FYN: variants seen among roughly 807,000 people sequenced by gnomAD.
FYN encodes the protein tyrosine-protein kinase Fyn.
FYN carries 10 observed loss-of-function variants against 70.2 expected under a neutral mutation model. That is an observed-to-expected ratio of 0.14 (90% CI 0.09 to 0.24). The LOEUF is 0.24. FYN is among the 10% of genes least tolerant of loss of function. The pLI is 1.00. For missense variants in FYN, 319 were observed against 673.1 expected (o/e 0.47, Z 5.82); for synonymous variants, 236 against 248.6 (o/e 0.95, Z 0.48).
intron 2 of FYN, among the ~76,000 whole-genome samples, chr6:111,808,578 C>T (rs1350166725): frequency 6.6e-6 from 1 of 152,174 alleles, no homozygotes; most frequent in Admixed American, 6.5e-5. Flanking sequence ...AACTAGAAAC[C>T]AAAGGGAAAG....
chr6:111,681,688 C>T (rs549759324), intron 12 of FYN, among the ~76,000 whole-genome samples: 1 of 152,276 alleles, frequency 6.6e-6, no homozygotes, highest in South Asian at 2.1e-4. Flanking sequence ...ATGCACCTAG[C>T]GCCAGTGCTA....
At chr6:111,765,411 C>T (rs1803192004) in intron 3 of FYN, among the ~76,000 whole-genome samples, 1 of 152,096 alleles carries the variant, frequency 6.6e-6, no homozygotes, top group African/African-American at 2.4e-5. Context: ...CATGTGGGGA[C>T]ACCAGAGACA....
At chr6:111,762,806 A>C (rs1347406036) in intron 3 of FYN, among the ~76,000 whole-genome samples, 2 of 151,998 alleles carry the variant, frequency 1.3e-5, no homozygotes, top group Non-Finnish European at 1.5e-5. Context: ...AAAAAAAAAA[A>C]AGTCCTTGCA....
intron 6 of FYN, among the ~76,000 whole-genome samples, chr6:111,705,613 C>A (rs1326248019): frequency 1.3e-5 from 2 of 152,158 alleles, no homozygotes; most frequent in Admixed American, 1.3e-4. Context: ...CTTTGGGAGG[C>A]TGAGGCAGGC....
intron 3 of FYN, among the ~76,000 whole-genome samples, chr6:111,764,497 C>T (rs1803148879): frequency 6.6e-6 from 1 of 152,102 alleles, no homozygotes; most frequent in South Asian, 2.1e-4. Flanking sequence ...ACCACACTTT[C>T]CAGCATATTA....
chr6:111,699,548 G>C (rs1167696293), intron 9 of FYN: 1 of 1,614,018 alleles, frequency 6.2e-7, no homozygotes, highest in South Asian at 1.1e-5. Flanking sequence ...CCCTGACCCA[G>C]CTTCTTCTCC....
chr6:111,812,820 T>A (rs1421002769), intron 2 of FYN, among the ~76,000 whole-genome samples: 1 of 151,884 alleles, frequency 6.6e-6, no homozygotes, highest in Admixed American at 6.6e-5. Flanking sequence ...TTCCTCAGAG[T>A]AGTGTTTTGA....
intron 3 of FYN, among the ~76,000 whole-genome samples, chr6:111,733,311 T>C (rs1213738517): frequency 1.3e-5 from 2 of 152,166 alleles, no homozygotes; most frequent in African/African-American, 2.4e-5. Context: ...GCCCACAGAA[T>C]TGGAGTAACT....
chr6:111,699,419 T>A, intron 9 of FYN: 4 of 1,334,128 alleles, frequency 3.0e-6, no homozygotes, highest in Non-Finnish European at 4.2e-6. Context: ...AGGTTAAGTG[T>A]CTTTGTCCCA....
intron 2 of FYN, among the ~76,000 whole-genome samples, chr6:111,803,578 T>A (rs1772055912): frequency 6.6e-6 from 1 of 152,112 alleles, no homozygotes; most frequent in Non-Finnish European, 1.5e-5. Context: ...ACTGTTAGTA[T>A]CATGGAAGGA....
chr6:111,813,122 T>C (rs1042540303), intron 2 of FYN, among the ~76,000 whole-genome samples: 1 of 152,226 alleles, frequency 6.6e-6, no homozygotes. Flanking sequence ...ATCATGGACT[T>C]ACTGTCTTGC....
intron 2 of FYN, among the ~76,000 whole-genome samples, chr6:111,803,116 A>G (rs1772040286): frequency 6.6e-6 from 1 of 152,196 alleles, no homozygotes. Flanking sequence ...GCCTCAAAAC[A>G]TCTGCTTCCC....
intron 2 of FYN, among the ~76,000 whole-genome samples, chr6:111,784,800 T>C (rs1771303331): frequency 6.6e-6 from 1 of 152,334 alleles, no homozygotes; most frequent in South Asian, 2.1e-4. Flanking sequence ...AAGAGCCAGC[T>C]GGTCTGGGAA....
At chr6:111,722,143 G>A (rs534685591) in intron 3 of FYN, among the ~76,000 whole-genome samples, 13 of 152,106 alleles carry the variant, frequency 8.5e-5, no homozygotes, top group Non-Finnish European at 1.9e-4. Flanking sequence ...CTGTTCTAAA[G>A]CTCTCTCATA....
At chr6:111,850,149 A>G (rs944234652) in intron 1 of FYN, among the ~76,000 whole-genome samples, 2 of 152,206 alleles carry the variant, frequency 1.3e-5, no homozygotes, top group African/African-American at 4.8e-5. Flanking sequence ...TAGGGTCATA[A>G]CCATGTATCA....
intron 12 of FYN, among the ~76,000 whole-genome samples, chr6:111,688,749 CA>C (rs932499805): frequency 6.6e-6 from 1 of 152,170 alleles, no homozygotes; most frequent in Non-Finnish European, 1.5e-5. Context: ...AGATTAAAAA[CA>C]AGAGAGGCAG....
At chr6:111,866,105 C>A (rs4276545) in intron 1 of FYN, among the ~76,000 whole-genome samples, 1 of 152,166 alleles carries the variant, frequency 6.6e-6, no homozygotes, top group East Asian at 1.9e-4. Flanking sequence ...CACATACACA[C>A]ATACATATGG....
chr6:111,770,507 G>A (rs1803403728), intron 3 of FYN, among the ~76,000 whole-genome samples: 1 of 152,218 alleles, frequency 6.6e-6, no homozygotes, highest in South Asian at 2.1e-4. Context: ...GCATTATGGT[G>A]ACTGCTTGTA....
At chr6:111,671,956 AG>A (rs888692944) in intron 13 of FYN, among the ~76,000 whole-genome samples, 8 of 152,226 alleles carry the variant, frequency 5.3e-5, no homozygotes, top group Non-Finnish European at 8.8e-5. Flanking sequence ...AGCAAAACCC[AG>A]GAAGAACCCA....
Sources: gnomAD v4.1 joint callset for allele counts (sites outside exome capture counted in the v4.1 genomes callset) on GRCh38, gnomAD v4.1.1 for gene constraint, MANE v1.5 for transcripts, NCBI Gene and HGNC (gene_info 2026-07-23, HGNC 2026-07-21) for gene names.